Variants in FHOD3 observed in about 807,000 individuals in gnomAD.
The protein encoded by FHOD3 is FH1/FH2 domain-containing protein 3.
A neutral mutation model predicts 173.0 loss-of-function variants in FHOD3; 90 were observed. The observed-to-expected ratio is 0.52, with a 90% CI of 0.44 to 0.62. The LOEUF (loss-of-function observed/expected upper bound fraction) is 0.62. FHOD3 is among the 20% of genes least tolerant of loss of function. The probability of loss-of-function intolerance (pLI) is 0.00; values close to 1 mark genes in which losing one functional copy is unlikely to be tolerated. For synonymous variants in FHOD3, 828 were observed against 823.0 expected (o/e 1.01, Z -0.10); for missense variants, 1,945 against 2,034.7 (o/e 0.96, Z 0.85).
chr18:36,608,105 C>G (rs1279625916), intron 8 of FHOD3, among the ~76,000 whole-genome samples: 1 of 152,192 alleles, frequency 6.6e-6, no homozygotes, highest in Non-Finnish European at 1.5e-5. Flanking sequence ...AAGCTGCTTT[C>G]ACGTTTTCAG....
At chr18:36,322,473 A>G (rs1463732211) in intron 1 of FHOD3, among the ~76,000 whole-genome samples, 6 of 152,124 alleles carry the variant, frequency 3.9e-5, no homozygotes, top group African/African-American at 1.4e-4. Flanking sequence ...AGGCAGGAGC[A>G]GGTACACCAG....
chr18:36,742,886 C>G (rs773931875), intron 22 of FHOD3, 30 bp downstream of exon 22: 1 of 1,592,534 alleles, frequency 6.3e-7, no homozygotes, highest in Admixed American at 1.8e-5. Context: ...CATCCTGTAG[C>G]CCCCCCTTGT....
At chr18:36,516,488 T>C (rs1029959532) in intron 5 of FHOD3, among the ~76,000 whole-genome samples, 3 of 152,156 alleles carry the variant, frequency 2.0e-5, no homozygotes, top group Non-Finnish European at 4.4e-5. Context: ...CTGTGTATAG[T>C]AGCCCAAGGT....
intron 3 of FHOD3, among the ~76,000 whole-genome samples, chr18:36,482,118 G>C (rs1018007969): frequency 6.6e-6 from 1 of 152,168 alleles, no homozygotes; most frequent in Non-Finnish European, 1.5e-5. Context: ...GGAAGGAGGG[G>C]GAGGGTACTG....
chr18:36,616,069 C>A (rs548208454), intron 9 of FHOD3, among the ~76,000 whole-genome samples: 1 of 152,130 alleles, frequency 6.6e-6, no homozygotes, highest in Non-Finnish European at 1.5e-5. Flanking sequence ...CAGTAGGTGA[C>A]AAAGGAGTAT....
intron 5 of FHOD3, among the ~76,000 whole-genome samples, chr18:36,513,206 A>C (rs1004718184): frequency 9.9e-5 from 15 of 152,076 alleles, no homozygotes; most frequent in African/African-American, 3.4e-4. Flanking sequence ...CAAATAACAA[A>C]CCTGTGCATA....
At chr18:36,316,013 G>C (rs1465516388) in intron 1 of FHOD3, among the ~76,000 whole-genome samples, 1 of 151,940 alleles carries the variant, frequency 6.6e-6, no homozygotes, top group Non-Finnish European at 1.5e-5. Context: ...CGGGGAGTGG[G>C]AGGGGAGAAG....
At chr18:36,603,901 C>T (rs1029861494) in intron 8 of FHOD3, among the ~76,000 whole-genome samples, 12 of 152,324 alleles carry the variant, frequency 7.9e-5, no homozygotes, top group Non-Finnish European at 1.8e-4. Flanking sequence ...ACGAGGTGCA[C>T]GTGTTCCACT....
At chr18:36,716,014 T>C (rs1404572401) in intron 18 of FHOD3, among the ~76,000 whole-genome samples, 1 of 152,100 alleles carries the variant, frequency 6.6e-6, no homozygotes, top group East Asian at 1.9e-4. Context: ...GTGTTGGTGG[T>C]GGTGTGCGAT....
At chr18:36,538,879 G>A (rs75490981) in intron 5 of FHOD3, among the ~76,000 whole-genome samples, 8,844 of 152,228 alleles carry the variant, frequency 0.058, 419 homozygotes, top group East Asian at 0.19. Context: ...GAATCTGCAT[G>A]TGATAAAATG....
chr18:36,633,429 A>G (rs1481879018), intron 10 of FHOD3, among the ~76,000 whole-genome samples: 1 of 152,208 alleles, frequency 6.6e-6, no homozygotes, highest in Non-Finnish European at 1.5e-5. Flanking sequence ...TTCCCTAGTC[A>G]TATCTGCCTA....
intron 10 of FHOD3, among the ~76,000 whole-genome samples, chr18:36,627,847 T>G (rs540014842): frequency 2.0e-5 from 3 of 152,304 alleles, no homozygotes; most frequent in Admixed American, 2.0e-4. Flanking sequence ...CCTCAAACAG[T>G]ACCTCAGAGT....
intron 20 of FHOD3, among the ~76,000 whole-genome samples, chr18:36,734,453 G>A (rs1300297792): frequency 6.6e-6 from 1 of 152,098 alleles, no homozygotes; most frequent in Non-Finnish European, 1.5e-5. Flanking sequence ...CTGGTTGAGA[G>A]CCCCTGATCT....
intron 1 of FHOD3, among the ~76,000 whole-genome samples, chr18:36,350,737 A>G (rs2046084593): frequency 6.6e-6 from 1 of 152,202 alleles, no homozygotes. Flanking sequence ...CTGTAGGGAA[A>G]GTTTTGATAT....
intron 5 of FHOD3, among the ~76,000 whole-genome samples, chr18:36,531,631 CTGTT>C (rs1220712908): frequency 6.6e-6 from 1 of 152,250 alleles, no homozygotes; most frequent in Non-Finnish European, 1.5e-5. Flanking sequence ...TCAAAGGAGT[CTGTT>C]TGATACGAAC....
At position 36,696,437 on chromosome 18, in the gene FHOD3, C is replaced by A. The variant is rs497652; in HGVS notation, c.2236+3014C>A. Among the ~76,000 whole-genome samples, 4 of 152,020 alleles carry A rather than the reference C, an allele frequency of 2.6e-5. No individual in the cohort carries two copies. The South Asian group carries it at 8.3e-4, about 31-fold the overall frequency. On this transcript the variant is annotated intron_variant, in intron 17 of 28. Coordinates refer to ENST00000590592, the MANE Select transcript of FHOD3 (RefSeq NM_001281740.3). ...TTATGGGTTCTTTCTTTTATAACTC[C>A]TGTTTCAGATTCTGAAGAACTTTTG... is the stretch of plus-strand genomic sequence containing the variant.
chr18:36,409,700 G>T (rs377118392), intron 3 of FHOD3, among the ~76,000 whole-genome samples: 2 of 152,196 alleles, frequency 1.3e-5, no homozygotes, highest in Non-Finnish European at 2.9e-5. Flanking sequence ...AGGGCTGACC[G>T]TCAGATACAG....
Position 36,378,596 on chromosome 18 carries a change from C to CAAA in FHOD3, c.337+5869_337+5871dup, listed in dbSNP as rs764259858. Among the ~76,000 whole-genome samples, 319 of 111,014 alleles carry CAAA rather than the reference C, an allele frequency of 2.9e-3. 6 individuals carry two copies. The highest frequency in any genetic ancestry group is 8.4e-3 in the African/African-American group (242 of 28,914). 72.8% of individuals were successfully genotyped at this position (111,014 alleles called of 152,430 possible). On this transcript the variant is annotated intron_variant, in intron 3 of 28. Coordinates refer to ENST00000590592, the MANE Select transcript of FHOD3 (RefSeq NM_001281740.3). ...CTGTCCCCCCTGGACCCCTCTGCCACAAAAAAAAAAAAAAAAAAAGAGAGA... is the reference window on the plus strand; with the variant it reads ...CTGTCCCCCCTGGACCCCTCTGCCACAAAAAAAAAAAAAAAAAAAAAAGAGAGA...
intron 18 of FHOD3, among the ~76,000 whole-genome samples, chr18:36,715,102 C>T (rs1420763704): frequency 1.3e-5 from 2 of 152,364 alleles, no homozygotes; most frequent in South Asian, 4.1e-4. Context: ...GAAGCACTCA[C>T]TACCTGGCTC....
Sources: gnomAD v4.1 joint callset for allele counts (sites outside exome capture counted in the v4.1 genomes callset) on GRCh38, gnomAD v4.1.1 for gene constraint, MANE v1.5 for transcripts, NCBI Gene and HGNC (gene_info 2026-07-23, HGNC 2026-07-21) for gene names.